TBC1D21: variants seen among roughly 807,000 people sequenced by gnomAD.
TBC1D21 encodes male germ cell Rab GTPase-activating protein.
TBC1D21 carries 38 observed loss-of-function variants against 46.0 expected under a neutral mutation model. The ratio of observed to expected loss-of-function variants is 0.83; its 90% confidence interval spans 0.64 to 1.08. The LOEUF is 1.08. TBC1D21 is among the 50% of genes least tolerant of loss of function. The probability of loss-of-function intolerance (pLI) is 0.00; values close to 1 mark genes in which losing one functional copy is unlikely to be tolerated. For missense variants in TBC1D21, 415 were observed against 417.9 expected (o/e 0.99, Z 0.06); for synonymous variants, 151 against 157.2 (o/e 0.96, Z 0.29).
At chr15:73,885,190 C>T (rs1226991419) in intron 6 of TBC1D21, 87 bp downstream of exon 6, 2 of 1,197,608 alleles carry the variant, frequency 1.7e-6, no homozygotes, top group Non-Finnish European at 2.4e-6. Flanking sequence ...CAGGCATTGG[C>T]CACCCCAGCC....
chr15:73,903,052 A>G, the TBC1D21 span, among the ~76,000 whole-genome samples: 1 of 151,956 alleles, frequency 6.6e-6, no homozygotes, highest in African/African-American at 2.4e-5. Context: ...CAGTTTTCCC[A>G]TTGTCCATAC....
intron 4 of TBC1D21, 137 bp from the exon 5 acceptor site, chr15:73,884,644 G>A: frequency 3.1e-6 from 2 of 647,040 alleles, no homozygotes; most frequent in East Asian, 2.7e-5. Context: ...GCCTGGCAGG[G>A]GCTGATGTAC....
In TBC1D21 at chr15:73,881,745, G is replaced by A. The variant is rs757559823; in HGVS notation, c.270G>A (p.Arg90=). The A allele has an allele frequency of 1.9e-6, 3 of 1,613,572 alleles. No individual in the cohort carries two copies. In the East Asian group the frequency reaches 6.7e-5, roughly 36 times the overall value. Residue 90 remains arginine (R), a splice_region_variant and synonymous_variant, in exon 3 of 11, where the codon AGG becomes AGA. Transcript: ENST00000300504. ...AGCGGCTCACGGTGGACAGCATGAG[G>A]AGGTAGAACACTCCAGACCCTGCTG... The part of the protein sequence containing the change: ...QDERLTVDSM[R]RKNYKALCQM...
intron 1 of TBC1D21, among the ~76,000 whole-genome samples, chr15:73,877,820 T>C (rs2068093529): frequency 1.3e-5 from 2 of 152,330 alleles, no homozygotes; most frequent in South Asian, 4.1e-4. Flanking sequence ...GAAAACCATA[T>C]GACCATTTCA....
intron 10 of TBC1D21, among the ~76,000 whole-genome samples, 182 bp downstream of exon 10, chr15:73,888,695 C>T (rs972179127): frequency 1.4e-5 from 2 of 147,378 alleles, no homozygotes; most frequent in African/African-American, 5.1e-5. Context: ...TCTTCCTCCT[C>T]GTACTCCTCC....
chr15:73,898,221 C>T, the TBC1D21 span, among the ~76,000 whole-genome samples: 28 of 152,246 alleles, frequency 1.8e-4, no homozygotes, highest in Admixed American at 3.3e-4. Flanking sequence ...CCTCACCAGG[C>T]CCGTGTGGCA....
Position 73,884,265 on chromosome 15 carries a change from G to A in TBC1D21, c.367+20G>A. The stretch of plus-strand genomic sequence containing the variant: ...ACATTGGTGAGCAAAGTGGGGTGGA[G>A]AGGGCTGGGCAGAGGGAGGGCTTGA... On this transcript the variant is annotated intron_variant, in intron 4 of 10. Transcript: ENST00000300504. The A allele has an allele frequency of 6.2e-7, 1 of 1,611,424 alleles. No individual in the cohort carries two copies. The highest frequency in any genetic ancestry group is 8.5e-7 in the Non-Finnish European group (1 of 1,177,526).
chr15:73,894,392 C>G, the TBC1D21 span, among the ~76,000 whole-genome samples: 2 of 152,248 alleles, frequency 1.3e-5, no homozygotes, highest in Admixed American at 1.3e-4. Flanking sequence ...GCAGGAAGCT[C>G]TGTCCTACTT....
intron 1 of TBC1D21, 83 bp downstream of exon 1, chr15:73,873,852 A>T (rs2068011557): frequency 2.0e-6 from 3 of 1,487,458 alleles, no homozygotes; most frequent in Non-Finnish European, 2.8e-6. Flanking sequence ...CTGGGTAGGA[A>T]AAGCTAGAAC....
intron 3 of TBC1D21, among the ~76,000 whole-genome samples, chr15:73,883,468 T>C (rs2068189336): frequency 6.6e-6 from 1 of 152,216 alleles, no homozygotes; most frequent in Non-Finnish European, 1.5e-5. Context: ...CTCCCGGTGT[T>C]CCTCAGCTGG....
the TBC1D21 span, among the ~76,000 whole-genome samples, chr15:73,898,629 T>C: frequency 1.3e-5 from 2 of 151,882 alleles, no homozygotes; most frequent in South Asian, 4.1e-4. Flanking sequence ...TTTGGGAGGC[T>C]GAGGTGGGCG....
At chr15:73,890,414 G>A (rs1165164980), downstream of TBC1D21, among the ~76,000 whole-genome samples, 1 of 152,230 alleles carries the variant, frequency 6.6e-6, no homozygotes, top group Non-Finnish European at 1.5e-5. Flanking sequence ...TGTTTGCTGG[G>A]CAGGGAGGCA....
chr15:73,880,101 T>C (rs1368916863), intron 1 of TBC1D21, among the ~76,000 whole-genome samples: 1 of 152,128 alleles, frequency 6.6e-6, no homozygotes, highest in Non-Finnish European at 1.5e-5. Flanking sequence ...TTCACCATGT[T>C]GCCCCAGGCT....
At chr15:73,876,389 G>A (rs1478378044) in intron 1 of TBC1D21, among the ~76,000 whole-genome samples, 5 of 127,218 alleles carry the variant, frequency 3.9e-5, no homozygotes, top group Non-Finnish European at 8.3e-5. Flanking sequence ...TACAACACCC[G>A]GGTAATTTTT....
chr15:73,885,849 C>A (rs1230464699), intron 6 of TBC1D21, among the ~76,000 whole-genome samples: 1 of 151,558 alleles, frequency 6.6e-6, no homozygotes, highest in African/African-American at 2.4e-5. Context: ...CACTACACAG[C>A]CACCCAGAGG....
At chr15:73,875,990 ATGTAGAG>A (rs879291499) in intron 1 of TBC1D21, among the ~76,000 whole-genome samples, 3,793 of 58,164 alleles carry the variant, frequency 0.065, 76 homozygotes, top group South Asian at 0.14. Context: ...GGTGGTGTGC[ATGTAGAG>A]AGAGGGCTTC....
chr15:73,901,705 C>T, the TBC1D21 span, among the ~76,000 whole-genome samples: 4 of 152,168 alleles, frequency 2.6e-5, no homozygotes, highest in Non-Finnish European at 4.4e-5. Flanking sequence ...GGCTAGTGGC[C>T]GCTTTCTCAT....
At chr15:73,873,912 C>T in intron 1 of TBC1D21, 143 bp downstream of exon 1, 1 of 913,314 alleles carries the variant, frequency 1.1e-6, no homozygotes, top group African/African-American at 1.6e-5. Context: ...CTTACTCTTA[C>T]CATCAGCCCA....
the TBC1D21 span, among the ~76,000 whole-genome samples, chr15:73,901,978 A>G: frequency 6.6e-6 from 1 of 151,772 alleles, no homozygotes; most frequent in South Asian, 2.1e-4. Context: ...CACCCAGCTA[A>G]TTGTTTTTAT....
Sources: gnomAD v4.1 joint callset for allele counts (sites outside exome capture counted in the v4.1 genomes callset) on GRCh38, gnomAD v4.1.1 for gene constraint, MANE v1.5 for transcripts, NCBI Gene and HGNC (gene_info 2026-07-23, HGNC 2026-07-21) for gene names.